Variants in SUGCT observed in about 807,000 individuals in gnomAD.
The protein encoded by SUGCT is succinyl-CoA:glutarate-CoA transferase, also known as succinyl-CoA:glutarate CoA-transferase.
SUGCT carries 41 observed loss-of-function variants against 55.0 expected under a neutral mutation model. The observed-to-expected ratio is 0.74, with a 90% CI of 0.58 to 0.97. The LOEUF (loss-of-function observed/expected upper bound fraction) is 0.97, where lower values mean the gene tolerates loss of function less well. SUGCT is among the 50% of genes least tolerant of loss of function. The pLI, the probability that SUGCT is intolerant of heterozygous loss-of-function variation, is 0.00. For synonymous variants in SUGCT, 187 were observed against 200.4 expected (o/e 0.93, Z 0.56); for missense variants, 568 against 547.8 (o/e 1.04, Z -0.37).
chr7:40,594,016 T>A (rs573120907), intron 12 of SUGCT, among the ~76,000 whole-genome samples: 1 of 152,302 alleles, frequency 6.6e-6, no homozygotes, highest in Non-Finnish European at 1.5e-5. Context: ...TGAGTTCATG[T>A]CCTTTGTAGG....
At chr7:40,394,566 A>G (rs886314629) in intron 9 of SUGCT, among the ~76,000 whole-genome samples, 3 of 152,202 alleles carry the variant, frequency 2.0e-5, no homozygotes, top group Non-Finnish European at 4.4e-5. Context: ...TAATTAACCT[A>G]TGCATTACCT....
chr7:40,652,775 G>A (rs1277925693), intron 12 of SUGCT, among the ~76,000 whole-genome samples: 2 of 152,184 alleles, frequency 1.3e-5, no homozygotes, highest in Non-Finnish European at 2.9e-5. Flanking sequence ...TCTCCGATCT[G>A]TTTGCTACAG....
chr7:40,764,580 A>G (rs1171686192), intron 13 of SUGCT, among the ~76,000 whole-genome samples: 2 of 150,478 alleles, frequency 1.3e-5, no homozygotes, highest in Non-Finnish European at 3.0e-5. Flanking sequence ...CAGGAAGGTT[A>G]AAAAAAAATA....
chr7:40,486,894 C>CT (rs1000269256), intron 11 of SUGCT, among the ~76,000 whole-genome samples: 93 of 148,246 alleles, frequency 6.3e-4, no homozygotes, highest in South Asian at 4.5e-3. Flanking sequence ...ACCTGGCTAA[C>CT]TTTTTTTTTT....
the SUGCT span, among the ~76,000 whole-genome samples, chr7:40,981,090 C>T: frequency 4.6e-5 from 7 of 152,136 alleles, no homozygotes; most frequent in African/African-American, 1.7e-4. Context: ...TTCTTTGGCT[C>T]TCTGTGGTAG....
At chr7:40,320,200 A>C (rs528037012) in intron 9 of SUGCT, among the ~76,000 whole-genome samples, 2 of 151,798 alleles carry the variant, frequency 1.3e-5, no homozygotes, top group South Asian at 2.1e-4. Context: ...TCCACCTCCC[A>C]GGTTCAAGCT....
At chr7:40,688,554 A>C (rs1488649468) in intron 12 of SUGCT, among the ~76,000 whole-genome samples, 1 of 152,074 alleles carries the variant, frequency 6.6e-6, no homozygotes, top group Non-Finnish European at 1.5e-5. Context: ...TATATATATA[A>C]TATTTAAAAG....
the SUGCT span, among the ~76,000 whole-genome samples, chr7:40,885,701 C>T: frequency 2.0e-5 from 3 of 152,146 alleles, no homozygotes; most frequent in Non-Finnish European, 2.9e-5. Flanking sequence ...TGACCCCTGA[C>T]GTCTTCCTGA....
chr7:40,794,372 T>C (rs932665339), intron 13 of SUGCT, among the ~76,000 whole-genome samples: 6 of 152,200 alleles, frequency 3.9e-5, no homozygotes, highest in Non-Finnish European at 7.4e-5. Context: ...GACTTATGGT[T>C]AAATTCTCAA....
intron 9 of SUGCT, among the ~76,000 whole-genome samples, chr7:40,447,360 G>C (rs1163237729): frequency 6.6e-6 from 1 of 152,190 alleles, no homozygotes; most frequent in Admixed American, 6.5e-5. Flanking sequence ...TGCAGAAAGG[G>C]TATGTGTAAA....
At chr7:40,715,225 A>G (rs1482041622) in intron 12 of SUGCT, among the ~76,000 whole-genome samples, 2 of 152,224 alleles carry the variant, frequency 1.3e-5, no homozygotes, top group African/African-American at 4.8e-5. Flanking sequence ...CAGTTACACA[A>G]CAGGGAATGA....
At chr7:40,842,948 A>G (rs1793348764) in intron 13 of SUGCT, among the ~76,000 whole-genome samples, 1 of 152,170 alleles carries the variant, frequency 6.6e-6, no homozygotes, top group South Asian at 2.1e-4. Flanking sequence ...GATCTGTTTG[A>G]CAGAATTTGT....
At chr7:40,585,607 A>T (rs1428025641) in intron 12 of SUGCT, among the ~76,000 whole-genome samples, 1 of 152,150 alleles carries the variant, frequency 6.6e-6, no homozygotes, top group Non-Finnish European at 1.5e-5. Flanking sequence ...TCTTAGGCTC[A>T]ACCCATCTTA....
chr7:40,641,980 G>A (rs555453179), intron 12 of SUGCT, among the ~76,000 whole-genome samples: 2 of 152,292 alleles, frequency 1.3e-5, no homozygotes, highest in South Asian at 4.2e-4. Context: ...CCAATTTCCA[G>A]TCTGCAGAGG....
intron 12 of SUGCT, among the ~76,000 whole-genome samples, chr7:40,715,078 T>A (rs1486323232): frequency 6.6e-6 from 1 of 151,982 alleles, no homozygotes; most frequent in Non-Finnish European, 1.5e-5. Flanking sequence ...AAAAAAAAAA[T>A]TGTAAGGGTG....
rs533037452 is a variant in SUGCT at position 40,568,579 on chromosome 7, C to T, written c.1089+72193C>T. ...TCCAAATATAAATGGGCACCATAGT[C>T]GTCGTTGGTGGTGACATGGCCTGTG... On this transcript the variant is annotated intron_variant, in intron 12 of 13. Transcript: ENST00000335693. 9.3e-4 allele frequency among the ~76,000 whole-genome samples: 141 copies of T among 152,264 alleles called. 2 individuals carry two copies. The highest frequency in any genetic ancestry group is 5.7e-4 in the Non-Finnish European group (39 of 68,024).
chr7:40,356,600 A>G (rs1797897723), intron 9 of SUGCT, among the ~76,000 whole-genome samples: 1 of 152,176 alleles, frequency 6.6e-6, no homozygotes, highest in African/African-American at 2.4e-5. Flanking sequence ...TACGATGAAT[A>G]ACCATAGGCT....
At chr7:40,280,392 T>C (rs1584551020) in intron 8 of SUGCT, among the ~76,000 whole-genome samples, 1 of 152,246 alleles carries the variant, frequency 6.6e-6, no homozygotes, top group East Asian at 1.9e-4. Flanking sequence ...GTGGTTCTGC[T>C]TATTCTGTTG....
intron 13 of SUGCT, among the ~76,000 whole-genome samples, chr7:40,756,660 A>G (rs1788267472): frequency 6.6e-6 from 1 of 152,244 alleles, no homozygotes; most frequent in South Asian, 2.1e-4. Context: ...AAAAATTAAG[A>G]GGAACCAAAG....
Sources: gnomAD v4.1 joint callset for allele counts (sites outside exome capture counted in the v4.1 genomes callset) on GRCh38, gnomAD v4.1.1 for gene constraint, MANE v1.5 for transcripts, NCBI Gene and HGNC (gene_info 2026-07-23, HGNC 2026-07-21) for gene names.